The following NRG1 variants were observed in gnomAD, a reference collection of about 807,000 sequenced individuals.
The protein encoded by NRG1 is pro-neuregulin-1, membrane-bound isoform.
NRG1 carries 18 observed loss-of-function variants against 63.8 expected under a neutral mutation model. That is an observed-to-expected ratio of 0.28 (90% CI 0.19 to 0.42). NRG1 has a LOEUF of 0.42. NRG1 is among the 10% of genes least tolerant of loss of function. The pLI is 1.00. For missense variants in NRG1, 762 were observed against 814.7 expected, an observed-to-expected ratio of 0.94 and a Z score of 0.79; for synonymous variants, 302 against 301.3, an observed-to-expected ratio of 1.00 and a Z score of -0.02.
chr8:32,511,367 G>GTA (rs202038797), intron 1 of NRG1, among the ~76,000 whole-genome samples: 15,019 of 121,140 alleles, frequency 0.12, 794 homozygotes, highest in Middle Eastern at 0.16. Context: ...ATATATATGT[G>GTA]TATATATATA....
intron 1 of NRG1, among the ~76,000 whole-genome samples, chr8:31,783,425 C>A (rs1435964865): frequency 6.6e-6 from 1 of 151,998 alleles, no homozygotes; most frequent in Non-Finnish European, 1.5e-5. Context: ...TATCCAAAGA[C>A]AAATATTTGT....
chr8:32,016,646 A>G (rs2130091499), intron 1 of NRG1, among the ~76,000 whole-genome samples: 1 of 152,264 alleles, frequency 6.6e-6, no homozygotes, highest in African/African-American at 2.4e-5. Context: ...AAAATTTGAG[A>G]ATTTATCTTT....
intron 1 of NRG1, among the ~76,000 whole-genome samples, chr8:32,018,122 G>A (rs1298981297): frequency 3.3e-5 from 5 of 152,136 alleles, no homozygotes; most frequent in African/African-American, 9.7e-5. Context: ...CCAGATACAT[G>A]TTTTATAATA....
At chr8:32,679,637 T>A (rs1221598297) in intron 5 of NRG1, among the ~76,000 whole-genome samples, 1 of 152,206 alleles carries the variant, frequency 6.6e-6, no homozygotes, top group Non-Finnish European at 1.5e-5. Context: ...TAGGCATTTC[T>A]TACCAAAATA....
chr8:32,065,565 T>A (rs1198133658), intron 1 of NRG1, among the ~76,000 whole-genome samples: 1 of 152,218 alleles, frequency 6.6e-6, no homozygotes, highest in Non-Finnish European at 1.5e-5. Flanking sequence ...TATGCCACAT[T>A]TTCTTAATCC....
intron 1 of NRG1, among the ~76,000 whole-genome samples, chr8:32,402,846 C>T (rs939935496): frequency 1.2e-4 from 18 of 152,256 alleles, no homozygotes; most frequent in African/African-American, 3.9e-4. Context: ...TAAAGGGTTT[C>T]GTACTACCCA....
At chr8:32,386,125 A>G (rs1327830809) in intron 1 of NRG1, among the ~76,000 whole-genome samples, 2 of 152,196 alleles carry the variant, frequency 1.3e-5, no homozygotes, top group South Asian at 4.1e-4. Flanking sequence ...ATTTAGAGAC[A>G]GAGTCTCACT....
At chr8:32,269,605 T>C (rs1851341970) in intron 1 of NRG1, among the ~76,000 whole-genome samples, 1 of 152,244 alleles carries the variant, frequency 6.6e-6, no homozygotes, top group East Asian at 1.9e-4. Context: ...TATGACCAGG[T>C]ACCTGGGAAG....
At chr8:32,701,915 A>G (rs1355267438) in intron 5 of NRG1, among the ~76,000 whole-genome samples, 2 of 152,240 alleles carry the variant, frequency 1.3e-5, no homozygotes, top group African/African-American at 4.8e-5. Context: ...TACCAAGATC[A>G]TGAGATCACA....
intron 1 of NRG1, among the ~76,000 whole-genome samples, chr8:32,174,438 G>C (rs1045799128): frequency 2.0e-5 from 3 of 152,024 alleles, no homozygotes; most frequent in African/African-American, 7.2e-5. Flanking sequence ...AAAAGCAAGA[G>C]CAAACACATT....
chr8:32,329,890 GAGAT>G (rs1395611853), intron 1 of NRG1, among the ~76,000 whole-genome samples: 4 of 151,476 alleles, frequency 2.6e-5, no homozygotes. Flanking sequence ...TTAAAAATAA[GAGAT>G]AGGGGGTCTC....
intron 1 of NRG1, among the ~76,000 whole-genome samples, chr8:32,535,909 C>A (rs2129519374): frequency 6.6e-6 from 1 of 152,254 alleles, no homozygotes; most frequent in Admixed American, 6.5e-5. Flanking sequence ...ATCCACAGAG[C>A]TAAGAAGTAG....
chr8:32,472,587 A>C (rs1587846693), intron 1 of NRG1, among the ~76,000 whole-genome samples: 1 of 152,218 alleles, frequency 6.6e-6, no homozygotes, highest in East Asian at 1.9e-4. Flanking sequence ...GGACACCAGA[A>C]TGGTTGGAAG....
At chr8:31,849,381 C>G (rs1826998956) in intron 1 of NRG1, among the ~76,000 whole-genome samples, 1 of 152,180 alleles carries the variant, frequency 6.6e-6, no homozygotes, top group Non-Finnish European at 1.5e-5. Context: ...ATGAAAATGT[C>G]AAGATATCGT....
At chr8:32,126,558 G>T (rs546164881) in intron 1 of NRG1, among the ~76,000 whole-genome samples, 99 of 151,832 alleles carry the variant, frequency 6.5e-4, no homozygotes, top group Non-Finnish European at 1.3e-3. Flanking sequence ...CTCTTCCCCA[G>T]GGATGCCCTA....
chr8:32,102,325 T>C (rs927558668), intron 1 of NRG1, among the ~76,000 whole-genome samples: 1 of 151,836 alleles, frequency 6.6e-6, no homozygotes, highest in Non-Finnish European at 1.5e-5. Context: ...TTTTGTAGAG[T>C]TGGGGTTTTG....
intron 1 of NRG1, among the ~76,000 whole-genome samples, chr8:32,087,835 G>A (rs1214330748): frequency 6.6e-6 from 1 of 152,138 alleles, no homozygotes; most frequent in Non-Finnish European, 1.5e-5. Context: ...AGCATTTGTC[G>A]TTCTTGACTG....
At chr8:32,297,315 A>G (rs17703771) in intron 1 of NRG1, among the ~76,000 whole-genome samples, 8,487 of 152,226 alleles carry the variant, frequency 0.056, 278 homozygotes, top group South Asian at 0.071. Flanking sequence ...TCAGGTCTGA[A>G]TAAAACCATA....
At chr8:31,793,086 C>A (rs1820869722) in intron 1 of NRG1, among the ~76,000 whole-genome samples, 1 of 152,106 alleles carries the variant, frequency 6.6e-6, no homozygotes, top group Non-Finnish European at 1.5e-5. Context: ...ACAATAGCAC[C>A]AACTAGCACT....
Sources: gnomAD v4.1 joint callset for allele counts (sites outside exome capture counted in the v4.1 genomes callset) on GRCh38, gnomAD v4.1.1 for gene constraint, MANE v1.5 for transcripts, NCBI Gene and HGNC (gene_info 2026-07-23, HGNC 2026-07-21) for gene names.